Variants in FNBP1L observed in about 807,000 individuals in gnomAD.
FNBP1L encodes the protein formin binding protein 1 like.
A neutral mutation model predicts 91.2 loss-of-function variants in FNBP1L; 36 were observed. The ratio of observed to expected loss-of-function variants is 0.39; its 90% CI spans 0.30 to 0.52. The LOEUF (loss-of-function observed/expected upper bound fraction) is 0.52. Ranked by LOEUF, FNBP1L falls within the 20% of genes least tolerant of loss-of-function variation. The pLI, the probability that FNBP1L is intolerant of heterozygous loss-of-function variation, is 0.66. For synonymous variants in FNBP1L, 242 were observed against 237.0 expected, an observed-to-expected ratio of 1.02 and a Z score of -0.19; for missense variants, 571 against 732.1, an observed-to-expected ratio of 0.78 and a Z score of 2.54.
At chr1:93,512,421 C>G (rs1670890170) in intron 2 of FNBP1L, among the ~76,000 whole-genome samples, 1 of 151,638 alleles carries the variant, frequency 6.6e-6, no homozygotes, top group Non-Finnish European at 1.5e-5. Flanking sequence ...ACCAAGCGGA[C>G]CTAATAGACA....
At chr1:93,452,195 A>G (rs1330604408) in intron 1 of FNBP1L, among the ~76,000 whole-genome samples, 2 of 152,196 alleles carry the variant, frequency 1.3e-5, no homozygotes, top group African/African-American at 4.8e-5. Context: ...GACCAAGACA[A>G]TGCTTGTAGG....
intron 1 of FNBP1L, among the ~76,000 whole-genome samples, chr1:93,458,816 T>C (rs1262273322): frequency 6.6e-6 from 1 of 152,226 alleles, no homozygotes; most frequent in East Asian, 1.9e-4. Context: ...CTATTTATTG[T>C]TCTAATTGTT....
intron 1 of FNBP1L, among the ~76,000 whole-genome samples, chr1:93,469,549 C>T (rs924127109): frequency 1.3e-5 from 2 of 152,090 alleles, no homozygotes; most frequent in Non-Finnish European, 2.9e-5. Flanking sequence ...AATAAACATA[C>T]GTGTGCATGT....
At chr1:93,456,602 CAAAA>C (rs60167572) in intron 1 of FNBP1L, among the ~76,000 whole-genome samples, 5 of 53,388 alleles carry the variant, frequency 9.4e-5, no homozygotes, top group Admixed American at 8.1e-4. Flanking sequence ...CCTTCTCTAC[CAAAA>C]AAAAAAAAAA....
chr1:93,524,772 G>A (rs2493643), intron 5 of FNBP1L, among the ~76,000 whole-genome samples: 146,156 of 151,902 alleles, frequency 0.96, 70,543 homozygotes, highest in Non-Finnish European at 1. Context: ...GAAAAATGAA[G>A]AGAGTGAACG....
Position 93,509,611 on chromosome 1 carries a change from A to G in FNBP1L, c.140+10028A>G, listed in dbSNP as rs569338645. ...AAAATGTAGTCAATCGGAGGAGCCA[A>G]GATGGCCGAATAGGAACAGCTCCGG... On this transcript the variant is annotated intron_variant, in intron 2 of 16. Transcript: ENST00000271234. 4.6e-5 allele frequency among the ~76,000 whole-genome samples: 7 copies of G among 152,380 alleles called. No individual in the cohort carries two copies. In the East Asian group the frequency reaches 1.3e-3, roughly 29 times the overall value.
At chr1:93,524,770 AAG>A (rs1476384771) in intron 5 of FNBP1L, among the ~76,000 whole-genome samples, 1 of 151,902 alleles carries the variant, frequency 6.6e-6, no homozygotes, top group Non-Finnish European at 1.5e-5. Context: ...GTGAAAAATG[AAG>A]AGAGTGAACG....
chr1:93,507,103 ACACACTCTCTCTCTCTCT>A (rs1670658035), intron 2 of FNBP1L, among the ~76,000 whole-genome samples: 4 of 52,606 alleles, frequency 7.6e-5, no homozygotes, highest in Admixed American at 2.2e-4. Context: ...ACACACACAC[ACACACTCTCTCTCTCTCT>A]CTCTCTCTCT....
chr1:93,473,940 T>C (rs901316371), intron 1 of FNBP1L, among the ~76,000 whole-genome samples: 1 of 152,036 alleles, frequency 6.6e-6, no homozygotes, highest in Non-Finnish European at 1.5e-5. Context: ...AGTAGGGGAA[T>C]ATAGGAAATT....
chr1:93,552,834 T>C lies in FNBP1L; in HGVS notation c.*418T>C, dbSNP rs538850334. 1.0e-3 allele frequency: 168 copies of C among 163,694 alleles called. No homozygotes were observed. Among genetic ancestry groups the C allele is most frequent in the South Asian group, 1.6e-3 (8 of 4,950 alleles). The allele number at this position is 163,694 out of a possible 1,614,324, so 10.1% of individuals were successfully genotyped here. On this transcript the variant is annotated 3_prime_UTR_variant, in exon 17 of 17. Transcript: ENST00000271234. ...TCCTTGCCATCTGTCAGTGTCTGCC[T>C]GCGCCACCTCCGTGCTTGCTTAACA...
At chr1:93,487,262 A>C (rs2101713781) in intron 1 of FNBP1L, among the ~76,000 whole-genome samples, 1 of 151,846 alleles carries the variant, frequency 6.6e-6, no homozygotes, top group South Asian at 2.1e-4. Context: ...GTTTTGTTTC[A>C]TGTCTGTAAC....
At chr1:93,479,545 C>T (rs1314497410) in intron 1 of FNBP1L, among the ~76,000 whole-genome samples, 1 of 152,140 alleles carries the variant, frequency 6.6e-6, no homozygotes, top group Admixed American at 6.5e-5. Context: ...CTTATCTCAA[C>T]CACTAAGAAA....
intron 1 of FNBP1L, among the ~76,000 whole-genome samples, chr1:93,453,867 T>G (rs1034673505): frequency 2.6e-5 from 4 of 152,196 alleles, no homozygotes; most frequent in Non-Finnish European, 4.4e-5. Flanking sequence ...AAGCTAGGCT[T>G]TGTGGGGCAT....
At chr1:93,476,092 T>G (rs910338736) in intron 1 of FNBP1L, among the ~76,000 whole-genome samples, 5 of 152,228 alleles carry the variant, frequency 3.3e-5, no homozygotes, top group African/African-American at 4.8e-5. Context: ...TTTCTTTCTC[T>G]TGTTTAATTT....
intron 1 of FNBP1L, among the ~76,000 whole-genome samples, chr1:93,456,791 AT>A (rs1410219933): frequency 6.6e-6 from 1 of 151,874 alleles, no homozygotes; most frequent in East Asian, 1.9e-4. Context: ...AAAAAAAAAA[AT>A]CGTTGCTTTT....
At chr1:93,474,831 C>CTACA (rs1446419799) in intron 1 of FNBP1L, among the ~76,000 whole-genome samples, 1 of 152,178 alleles carries the variant, frequency 6.6e-6, no homozygotes, top group Non-Finnish European at 1.5e-5. Flanking sequence ...TACATCCTAA[C>CTACA]TTCTTCTGCC....
chr1:93,517,119 A>T (rs1215231009), intron 2 of FNBP1L, among the ~76,000 whole-genome samples: 1 of 147,774 alleles, frequency 6.8e-6, no homozygotes, highest in Non-Finnish European at 1.5e-5. Context: ...AGCTCACTGC[A>T]TGCAACCTCC....
intron 1 of FNBP1L, among the ~76,000 whole-genome samples, chr1:93,472,466 T>C (rs1669321457): frequency 6.6e-6 from 1 of 152,006 alleles, no homozygotes; most frequent in African/African-American, 2.4e-5. Context: ...CTACCTTTTA[T>C]TGAATTTTGT....
chr1:93,463,146 A>G (rs1348378246), intron 1 of FNBP1L, among the ~76,000 whole-genome samples: 1 of 152,170 alleles, frequency 6.6e-6, no homozygotes, highest in African/African-American at 2.4e-5. Context: ...ACACACTGCC[A>G]TCAATAAGGA....
Sources: gnomAD v4.1 joint callset for allele counts (sites outside exome capture counted in the v4.1 genomes callset) on GRCh38, gnomAD v4.1.1 for gene constraint, MANE v1.5 for transcripts, NCBI Gene and HGNC (gene_info 2026-07-23, HGNC 2026-07-21) for gene names.